Variants in FAM227A observed in about 807,000 individuals in gnomAD.
The protein encoded by FAM227A is protein FAM227A.
Under a neutral mutation model 74.7 loss-of-function variants are expected in FAM227A, and 80 were observed. The ratio of observed to expected loss-of-function variants is 1.07; its 90% CI spans 0.89 to 1.29. The LOEUF (loss-of-function observed/expected upper bound fraction) is 1.29, where lower values mean the gene tolerates loss of function less well. Ranked by LOEUF, FAM227A falls within the 50% of genes most tolerant of loss-of-function variation. The pLI, the probability that FAM227A is intolerant of heterozygous loss-of-function variation, is 0.00. For missense variants in FAM227A, 654 were observed against 683.4 expected, an observed-to-expected ratio of 0.96 and a Z score of 0.48; for synonymous variants, 237 against 241.8, an observed-to-expected ratio of 0.98 and a Z score of 0.19.
chr22:38,601,332 G>A (rs2091173274), intron 13 of FAM227A, among the ~76,000 whole-genome samples: 1 of 151,962 alleles, frequency 6.6e-6, no homozygotes, highest in African/African-American at 2.4e-5. Flanking sequence ...AGGGAGCCAT[G>A]GGAAGGTCTA....
At position 38,599,667 on chromosome 22, in the gene FAM227A, G is replaced by A. The variant is rs118143895; in HGVS notation, c.1379+97C>T. The A allele has an allele frequency of 5.4e-4, 646 of 1,191,684 alleles. 1 individual carries two copies. The highest frequency in any genetic ancestry group is 6.7e-4 in the Non-Finnish European group (588 of 876,920). 73.8% of individuals were successfully genotyped at this position (1,191,684 alleles called of 1,614,324 possible). ...GAGTACACATGGTGTGCCAGGCGCTGTGCTAAGGCCTGGGTGCCATTCCCT... is the reference window on the plus strand; with the variant it reads ...GAGTACACATGGTGTGCCAGGCGCTATGCTAAGGCCTGGGTGCCATTCCCT... On this transcript the variant is annotated intron_variant, in intron 14 of 16. Coordinates refer to ENST00000535113, the MANE Select transcript of FAM227A (RefSeq NM_001013647.2).
chr22:38,645,150 G>C (rs1266804798), intron 3 of FAM227A, among the ~76,000 whole-genome samples: 1 of 152,038 alleles, frequency 6.6e-6, no homozygotes, highest in Admixed American at 6.6e-5. Context: ...CTAGCACTTT[G>C]GGAGGCCAAG....
chr22:38,646,744 C>T (rs891475783), intron 2 of FAM227A, among the ~76,000 whole-genome samples: 1 of 151,948 alleles, frequency 6.6e-6, no homozygotes, highest in African/African-American at 2.4e-5. Context: ...AAAGGAGCTT[C>T]ATGATAATCA....
chr22:38,617,698 G>C (rs2091608090), intron 11 of FAM227A, among the ~76,000 whole-genome samples: 1 of 152,144 alleles, frequency 6.6e-6, no homozygotes, highest in African/African-American at 2.4e-5. Context: ...TGTTGTCCTA[G>C]GGTTTAAAGA....
At position 38,607,278 on chromosome 22, in the gene FAM227A, C is replaced by G. The variant is rs1602918364; in HGVS notation, c.1126+111G>C. On this transcript the variant is annotated intron_variant, in intron 12 of 16. Transcript: ENST00000535113. Reference sequence around the variant, plus strand: ...GGTGCCAAGGCCCAGGCTGGAACCCCAAGTATAAAGTAGGTCAGCAAATTC... The same window carrying G: ...GGTGCCAAGGCCCAGGCTGGAACCCGAAGTATAAAGTAGGTCAGCAAATTC... 1.4e-5 allele frequency: 10 copies of G among 698,900 alleles called. 1 individual carries two copies. In the East Asian group the frequency reaches 2.7e-4, roughly 19 times the overall value. The allele number at this position is 698,900 out of a possible 1,614,324, so 43.3% of individuals were successfully genotyped here. A position where few individuals can be genotyped will look rare whatever the true frequency, so the allele number is the denominator to read the frequency against.
intron 3 of FAM227A, among the ~76,000 whole-genome samples, chr22:38,640,453 T>C (rs930154421): frequency 1.3e-5 from 2 of 152,076 alleles, no homozygotes; most frequent in African/African-American, 4.8e-5. Flanking sequence ...CCTTGACCTC[T>C]CAAGAGAGAC....
intron 1 of FAM227A, among the ~76,000 whole-genome samples, chr22:38,652,460 C>A (rs2092336363): frequency 6.6e-6 from 1 of 151,234 alleles, no homozygotes; most frequent in South Asian, 2.1e-4. Context: ...TGGTGGCGGG[C>A]ACCTACAGTC....
chr22:38,593,483 C>T (rs570192307), intron 15 of FAM227A, among the ~76,000 whole-genome samples: 11 of 151,954 alleles, frequency 7.2e-5, no homozygotes, highest in Non-Finnish European at 1.3e-4. Flanking sequence ...CCAGCCTGGG[C>T]GACAGAGCAA....
intron 15 of FAM227A, among the ~76,000 whole-genome samples, chr22:38,594,762 A>G (rs1267275630): frequency 1.3e-5 from 2 of 152,084 alleles, no homozygotes; most frequent in African/African-American, 4.8e-5. Flanking sequence ...AGAGGTCAAG[A>G]CCATCCTGGC....
At chr22:38,616,164 ACT>A (rs1177996564) in intron 11 of FAM227A, among the ~76,000 whole-genome samples, 1 of 152,184 alleles carries the variant, frequency 6.6e-6, no homozygotes, top group Non-Finnish European at 1.5e-5. Flanking sequence ...GAAGGAAAAC[ACT>A]GTCAAAAGTT....
At chr22:38,637,094 G>A (rs1362998558) in intron 5 of FAM227A, among the ~76,000 whole-genome samples, 2 of 152,050 alleles carry the variant, frequency 1.3e-5, no homozygotes, top group South Asian at 2.1e-4. Context: ...AAATGTACAC[G>A]AACACAAATA....
At chr22:38,646,290 C>A (rs566528503) in intron 2 of FAM227A, among the ~76,000 whole-genome samples, 1 of 116,600 alleles carries the variant, frequency 8.6e-6, no homozygotes, top group African/African-American at 3.3e-5. Context: ...GACGGAGTCT[C>A]GCTCTGTCGC....
chr22:38,641,402 A>G (rs948532695), intron 3 of FAM227A, among the ~76,000 whole-genome samples: 1 of 152,102 alleles, frequency 6.6e-6, no homozygotes, highest in Non-Finnish European at 1.5e-5. Context: ...TGAATAAAAA[A>G]TTAGCCGGGC....
At chr22:38,606,417 C>T (rs1000577769) in intron 12 of FAM227A, among the ~76,000 whole-genome samples, 1 of 152,158 alleles carries the variant, frequency 6.6e-6, no homozygotes, top group Non-Finnish European at 1.5e-5. Context: ...AATCCTACTG[C>T]CTCAGCCTCC....
At chr22:38,611,304 C>T (rs1405140850) in intron 11 of FAM227A, among the ~76,000 whole-genome samples, 1 of 151,982 alleles carries the variant, frequency 6.6e-6, no homozygotes, top group Non-Finnish European at 1.5e-5. Context: ...GGTTGGGGAG[C>T]CTAAATTTGA....
chr22:38,594,722 G>T (rs193023199), intron 15 of FAM227A, among the ~76,000 whole-genome samples: 2 of 152,250 alleles, frequency 1.3e-5, no homozygotes, highest in Admixed American at 1.3e-4. Flanking sequence ...CAGCACTTTG[G>T]GAGGCTGAGG....
chr22:38,608,215 C>A (rs893794453), intron 11 of FAM227A, among the ~76,000 whole-genome samples: 1 of 150,988 alleles, frequency 6.6e-6, no homozygotes, highest in African/African-American at 2.4e-5. Flanking sequence ...GTAGTCCCAG[C>A]TACTTGGGAG....
intron 1 of FAM227A, among the ~76,000 whole-genome samples, chr22:38,652,364 A>G (rs1309461512): frequency 1.5e-4 from 23 of 149,162 alleles, no homozygotes; most frequent in East Asian, 6.0e-4. Flanking sequence ...CGAGGCAGGC[A>G]GATCATGAGG....
chr22:38,626,135 T>G (rs1302795784), intron 9 of FAM227A, 45 bp downstream of exon 9: 13 of 1,545,254 alleles, frequency 8.4e-6, no homozygotes, highest in Non-Finnish European at 1.1e-5. Flanking sequence ...GCGGAAAACA[T>G]TTTTCTAGAA....
Sources: allele counts gnomAD v4.1 joint callset (sites outside exome capture counted in the v4.1 genomes callset), GRCh38; gene constraint gnomAD v4.1.1; transcripts MANE v1.5; gene names NCBI Gene and HGNC (gene_info 2026-07-23, HGNC 2026-07-21).